NFASC: variants seen among roughly 807,000 people sequenced by gnomAD.
NFASC encodes neurofascin, also known as neurofascin homolog.
A neutral mutation model predicts 147.5 loss-of-function variants in NFASC; 43 were observed. That is an observed-to-expected ratio of 0.29 (90% CI 0.23 to 0.38). The LOEUF is 0.38. Ranked by LOEUF, NFASC falls within the 10% of genes least tolerant of loss-of-function variation. The pLI is 1.00. For missense variants in NFASC, 1,320 were observed against 1,689.0 expected, an observed-to-expected ratio of 0.78 and a Z score of 3.83; for synonymous variants, 622 against 665.5, an observed-to-expected ratio of 0.93 and a Z score of 1.01.
Position 204,926,871 on chromosome 1 carries a change from C to T in NFASC, c.-91+6131C>T, listed in dbSNP as rs144114432. 2.8e-3 allele frequency among the ~76,000 whole-genome samples: 423 copies of T among 151,826 alleles called. 3 individuals are homozygous for T. Among genetic ancestry groups the T allele is most frequent in the African/African-American group, 9.8e-3 (405 of 41,420 alleles). ...GGTGGATCACTTGAGGTCAGGTGTT[C>T]GAGACCAGCCTGGTCAACATGGTGA... On this transcript the variant is annotated intron_variant, in intron 2 of 29. Coordinates refer to ENST00000339876, the MANE Select transcript of NFASC (RefSeq NM_001005388.3).
At chr1:204,927,697 C>G (rs973566176) in intron 2 of NFASC, among the ~76,000 whole-genome samples, 3 of 152,190 alleles carry the variant, frequency 2.0e-5, no homozygotes, top group Admixed American at 1.3e-4. Flanking sequence ...GATTATCACT[C>G]CCCACCTCAC....
At chr1:204,920,572 T>A in intron 1 of NFASC, 60 bp from the exon 2 acceptor site, 3 of 879,198 alleles carry the variant, frequency 3.4e-6, no homozygotes, top group Non-Finnish European at 4.8e-6. Flanking sequence ...ACAAAGGCTT[T>A]TTTTTTTCTT....
chr1:204,854,441 G>A (rs987574614), intron 1 of NFASC, among the ~76,000 whole-genome samples: 2 of 152,178 alleles, frequency 1.3e-5, no homozygotes, highest in Non-Finnish European at 2.9e-5. Context: ...AGTAGGGAAA[G>A]CATATGGATT....
Position 205,016,262 on chromosome 1 carries a change from T to A in NFASC, c.3492-46T>A. ...GGGCATGTGCTGGCAGGAGGCCAGC[T>A]GCCCCATCTCACCCCACCTGAGATT... On this transcript the variant is annotated intron_variant, in intron 29 of 29. Coordinates refer to ENST00000339876, the MANE Select transcript of NFASC (RefSeq NM_001005388.3). This position sits in a 1 kb window ranked among gnomAD's most constrained non-coding sequence, Gnocchi z 5.1. 1 of 1,368,642 alleles carries A rather than the reference T, an allele frequency of 7.3e-7. No homozygotes were observed. The allele number at this position is 1,368,642 out of a possible 1,614,324, so 84.8% of individuals were successfully genotyped here.
chr1:204,899,134 G>A (rs541071830), intron 1 of NFASC, among the ~76,000 whole-genome samples: 26 of 152,230 alleles, frequency 1.7e-4, no homozygotes, highest in African/African-American at 5.1e-4. Context: ...AAGCACATAC[G>A]TATCAAAGGT....
chr1:204,899,377 A>C (rs1431914820), intron 1 of NFASC, among the ~76,000 whole-genome samples: 1 of 151,826 alleles, frequency 6.6e-6, no homozygotes, highest in Non-Finnish European at 1.5e-5. Context: ...CTGGCAAGAG[A>C]GGAGAAGCTC....
At chr1:204,923,383 C>T (rs1483760615) in intron 2 of NFASC, among the ~76,000 whole-genome samples, 1 of 152,120 alleles carries the variant, frequency 6.6e-6, no homozygotes, top group East Asian at 1.9e-4. Flanking sequence ...TTCGTCTCTC[C>T]CCTTCCCTCC....
intron 1 of NFASC, among the ~76,000 whole-genome samples, chr1:204,901,495 A>G (rs942736761): frequency 2.6e-5 from 4 of 152,122 alleles, no homozygotes; most frequent in Non-Finnish European, 5.9e-5. Flanking sequence ...CTTAGAGTTT[A>G]TTTATTTACC....
intron 1 of NFASC, among the ~76,000 whole-genome samples, chr1:204,895,455 T>A (rs1221255237): frequency 2.6e-5 from 4 of 152,232 alleles, no homozygotes; most frequent in African/African-American, 7.2e-5. Context: ...CTTTGTGTCA[T>A]TCAACCCTGC....
At chr1:204,831,744 G>GT (rs1558468432) in intron 1 of NFASC, among the ~76,000 whole-genome samples, 1 of 151,992 alleles carries the variant, frequency 6.6e-6, no homozygotes, top group Admixed American at 6.6e-5. Flanking sequence ...TGAGAGGAAC[G>GT]TAAGGCCGGT....
intron 3 of NFASC, among the ~76,000 whole-genome samples, chr1:204,949,968 T>G (rs564642911): frequency 5.3e-5 from 8 of 152,204 alleles, no homozygotes; most frequent in Non-Finnish European, 1.0e-4. Context: ...TATAAGGCAA[T>G]GTACCATGAA....
At chr1:204,950,477 G>C (rs148835828) in intron 3 of NFASC, 80 bp from the exon 4 acceptor site, 7 of 1,332,322 alleles carry the variant, frequency 5.3e-6, no homozygotes, top group African/African-American at 1.4e-5. Context: ...GTGCTGGGGC[G>C]TGAGGATGCC....
rs1266884139 is a variant in NFASC at position 204,986,318 on chromosome 1, T to C, written c.2471-1100T>C. Among the ~76,000 whole-genome samples, 1 of 152,250 alleles carries C rather than the reference T, an allele frequency of 6.6e-6. No individual in the cohort carries two copies. Among genetic ancestry groups the C allele is most frequent in the Non-Finnish European group, 1.5e-5 (1 of 68,040 alleles). On this transcript the variant is annotated intron_variant, in intron 21 of 29. Transcript: ENST00000339876. The surrounding 1 kb of genome is among the most constrained non-coding windows in gnomAD (Gnocchi z 4.2). The stretch of plus-strand genomic sequence containing the variant: ...GGTGACCTGCCCTGCGAGGAGGTTG[T>C]ATCTCAAGAGAAGACCTGTGAGGTC...
intron 2 of NFASC, among the ~76,000 whole-genome samples, chr1:204,941,280 G>T (rs55734754): frequency 2.3e-4 from 35 of 152,310 alleles, no homozygotes; most frequent in African/African-American, 8.4e-4. Context: ...GGAAAAACTG[G>T]GTTCCAGAGA....
At position 205,015,603 on chromosome 1, in the gene NFASC, G is replaced by A. The variant is rs544767438; in HGVS notation, c.3492-705G>A. The stretch of plus-strand genomic sequence containing the variant: ...GGGCCTATGGGCCTCAGAAGGGGCT[G>A]GGCATGATCCTCTGAGCCTTGCTGT... On this transcript the variant is annotated intron_variant, in intron 29 of 29. Transcript: ENST00000339876. This position sits in a 1 kb window ranked among gnomAD's most constrained non-coding sequence, Gnocchi z 4.0. 3.3e-5 allele frequency among the ~76,000 whole-genome samples: 5 copies of A among 152,182 alleles called. No individual in the cohort carries two copies. Among genetic ancestry groups the A allele is most frequent in the East Asian group, 1.9e-4 (1 of 5,190 alleles).
chr1:204,882,593 C>T lies in NFASC; in HGVS notation c.-199-38039C>T, dbSNP rs1381394848. On this transcript the variant is annotated intron_variant, in intron 1 of 29. Coordinates refer to ENST00000339876, the MANE Select transcript of NFASC (RefSeq NM_001005388.3). The stretch of plus-strand genomic sequence containing the variant: ...CGTCTCTGTTTATTGTTTCATGGCC[C>T]GTCTCCCCCACTGGAAGGTAGGCTC... Among the ~76,000 whole-genome samples, 11 of 152,236 alleles carry T rather than the reference C, an allele frequency of 7.2e-5. No individual in the cohort carries two copies. The East Asian group carries it at 9.7e-4, about 13-fold the overall frequency.
chr1:204,835,845 A>C lies in NFASC; in HGVS notation c.-200+7063A>C, dbSNP rs116390256. Among the ~76,000 whole-genome samples the C allele has an allele frequency of 5.3e-5, 8 of 152,268 alleles. No homozygotes were observed. In the South Asian group the frequency reaches 1.2e-3, roughly 24 times the overall value. Reference sequence around the variant, plus strand: ...CTAGGATGGGAGACTTCTGGCCTCCATGCTGAGCTAGCTTTCCTGGATCCA... The same window carrying C: ...CTAGGATGGGAGACTTCTGGCCTCCCTGCTGAGCTAGCTTTCCTGGATCCA... On this transcript the variant is annotated intron_variant, in intron 1 of 29. Transcript: ENST00000339876.
chr1:204,876,724 A>G (rs6658370), intron 1 of NFASC, among the ~76,000 whole-genome samples: 2,818 of 152,160 alleles, frequency 0.019, 86 homozygotes, highest in African/African-American at 0.064. Context: ...TGTCTGGCTT[A>G]TCTCACTTAA....
chr1:204,955,131 T>C (rs1401333069), intron 7 of NFASC, among the ~76,000 whole-genome samples, 180 bp downstream of exon 7: 1 of 152,218 alleles, frequency 6.6e-6, no homozygotes, highest in Admixed American at 6.5e-5. Context: ...GCTTATTTTC[T>C]AGCCTGGCTG....
Sources: allele counts gnomAD v4.1 joint callset (sites outside exome capture counted in the v4.1 genomes callset), GRCh38; gene constraint gnomAD v4.1.1; non-coding constraint Gnocchi (gnomAD v3.1); transcripts MANE v1.5; gene names NCBI Gene and HGNC (gene_info 2026-07-23, HGNC 2026-07-21).